Variants in TDRD12 observed in about 807,000 individuals in gnomAD.
The protein encoded by TDRD12 is putative ATP-dependent RNA helicase TDRD12.
In TDRD12, 158 loss-of-function variants were observed where a neutral mutation model predicts 133.5. The ratio of observed to expected loss-of-function variants is 1.18; its 90% CI spans 1.04 to 1.35. The LOEUF (loss-of-function observed/expected upper bound fraction) is 1.35. Ranked by LOEUF, TDRD12 falls within the 40% of genes most tolerant of loss-of-function variation. The probability of loss-of-function intolerance (pLI) is 0.00; values close to 1 mark genes in which losing one functional copy is unlikely to be tolerated. For missense variants in TDRD12, 1,443 were observed against 1,321.3 expected, an observed-to-expected ratio of 1.09 and a Z score of -1.43; for synonymous variants, 460 against 477.9, an observed-to-expected ratio of 0.96 and a Z score of 0.49.
rs1160563436 is a variant in TDRD12 at position 32,794,579 on chromosome 19, G to A, written c.1288-49G>A. On this transcript the variant is annotated intron_variant, in intron 13 of 27. Transcript: ENST00000444215. ...AAATGAGCCATGCAATGGAGTTTTTGTTAGTTTTCTCTACCTTATTTTGGT... is the reference window on the plus strand; with the variant it reads ...AAATGAGCCATGCAATGGAGTTTTTATTAGTTTTCTCTACCTTATTTTGGT... 3 of 685,676 alleles carry A rather than the reference G, an allele frequency of 4.4e-6. No homozygotes were observed. In the Admixed American group the frequency reaches 6.4e-5, roughly 15 times the overall value. 42.5% of individuals were successfully genotyped at this position (685,676 alleles called of 1,614,324 possible).
intron 8 of TDRD12, among the ~76,000 whole-genome samples, chr19:32,758,561 G>T (rs56977773): frequency 6.6e-6 from 1 of 151,982 alleles, no homozygotes; most frequent in African/African-American, 2.4e-5. Flanking sequence ...ACCCCATCTC[G>T]CTAGGCATTT....
At chr19:32,818,556 G>A (rs1171069785) in intron 27 of TDRD12, among the ~76,000 whole-genome samples, 5 of 152,242 alleles carry the variant, frequency 3.3e-5, no homozygotes, top group Non-Finnish European at 5.9e-5. Flanking sequence ...AGGTGGCTTT[G>A]TGGAGGTTGA....
intron 8 of TDRD12, among the ~76,000 whole-genome samples, chr19:32,766,637 CAG>C (rs1358670962): frequency 6.6e-6 from 1 of 150,602 alleles, no homozygotes; most frequent in Non-Finnish European, 1.5e-5. Flanking sequence ...TTTTTTGAGA[CAG>C]AGTCTCGCTC....
chr19:32,790,916 T>C, intron 12 of TDRD12, 48 bp from the exon 13 acceptor site: 2 of 1,518,818 alleles, frequency 1.3e-6, no homozygotes, highest in Non-Finnish European at 1.8e-6. Context: ...TCTCCTGTGC[T>C]GACGCCTCAG....
chr19:32,782,358 G>A (rs1311669601), intron 11 of TDRD12, among the ~76,000 whole-genome samples: 2 of 152,126 alleles, frequency 1.3e-5, no homozygotes, highest in African/African-American at 2.4e-5. Flanking sequence ...TCTTAATCCA[G>A]TCTATCATTG....
intron 16 of TDRD12, 118 bp downstream of exon 16, chr19:32,798,553 T>G (rs1971296449): frequency 2.8e-6 from 2 of 711,670 alleles, no homozygotes; most frequent in African/African-American, 3.5e-5. Context: ...CTAAAAAAAT[T>G]TTATGCTTTA....
chr19:32,818,105 A>G (rs1229650424), exon 27 of TDRD12: 1 of 702,778 alleles, frequency 1.4e-6, no homozygotes, highest in East Asian at 2.7e-5. Flanking sequence ...GGTGACAGGG[A>G]CCAGTCCTGC....
At chr19:32,817,298 G>A (rs1017792770) in intron 26 of TDRD12, among the ~76,000 whole-genome samples, 3 of 150,808 alleles carry the variant, frequency 2.0e-5, no homozygotes, top group Non-Finnish European at 3.0e-5. Context: ...TCCACCCCCC[G>A]CCCAGCCCCC....
downstream of TDRD12, among the ~76,000 whole-genome samples, chr19:32,825,220 CTGTT>C (rs746224766): frequency 1.4e-4 from 22 of 152,354 alleles, no homozygotes; most frequent in African/African-American, 5.0e-4. The surrounding 1 kb of genome is among the most constrained non-coding windows in gnomAD (Gnocchi z 4.1). Context: ...CAGCAGGAGT[CTGTT>C]TGTTTCTTTG....
At chr19:32,779,798 A>G (rs1430262825) in intron 11 of TDRD12, among the ~76,000 whole-genome samples, 2 of 152,180 alleles carry the variant, frequency 1.3e-5, no homozygotes, top group Admixed American at 6.5e-5. Flanking sequence ...CAATGCAGCC[A>G]TATGTGCTGC....
At chr19:32,760,851 A>G (rs1276203066) in intron 8 of TDRD12, among the ~76,000 whole-genome samples, 1 of 152,216 alleles carries the variant, frequency 6.6e-6, no homozygotes. Context: ...ATAATCACAA[A>G]CTTACAGAAA....
intron 8 of TDRD12, among the ~76,000 whole-genome samples, chr19:32,771,030 C>T (rs1452785335): frequency 5.9e-5 from 9 of 152,112 alleles, no homozygotes; most frequent in African/African-American, 2.2e-4. Context: ...CACAGTTGTG[C>T]AAGCTGTATA....
chr19:32,798,526 G>T, intron 16 of TDRD12, 91 bp downstream of exon 16: 3 of 1,068,976 alleles, frequency 2.8e-6, no homozygotes, highest in South Asian at 2.3e-5. Flanking sequence ...GTCTGGTTGG[G>T]GAATACATTG....
At chr19:32,750,530 T>C (rs1437950648) in intron 6 of TDRD12, among the ~76,000 whole-genome samples, 2 of 152,214 alleles carry the variant, frequency 1.3e-5, no homozygotes, top group Non-Finnish European at 2.9e-5. Flanking sequence ...GATGTTAACA[T>C]AGCACAAAAC....
chr19:32,772,941 A>G, intron 9 of TDRD12, 91 bp downstream of exon 9: 5 of 637,868 alleles, frequency 7.8e-6, no homozygotes, highest in Non-Finnish European at 9.6e-6. Flanking sequence ...AACCAAAAAT[A>G]TGTTTTCTAT....
chr19:32,800,270 T>C (rs889050617), exon 17 of TDRD12: 9 of 1,535,110 alleles, frequency 5.9e-6, no homozygotes, highest in South Asian at 4.8e-5. Context: ...AACAAACATA[T>C]AGAACATCTC....
intron 11 of TDRD12, among the ~76,000 whole-genome samples, 190 bp from the exon 12 acceptor site, chr19:32,790,341 A>G (rs1971032319): frequency 6.6e-6 from 1 of 152,212 alleles, no homozygotes; most frequent in Non-Finnish European, 1.5e-5. Context: ...CCTGGGTGGC[A>G]GGGTTGTGGC....
chr19:32,821,369 AGTGTGTGTGTGTGTGTGTGT>A (rs59054756), downstream of TDRD12: 14 of 351,582 alleles, frequency 4.0e-5, no homozygotes, highest in Admixed American at 3.2e-4. Flanking sequence ...AGCTCAGCAG[AGTGTGTGTGTGTGTGTGTGT>A]GTGTGTGTGT....
At chr19:32,802,633 A>C in intron 19 of TDRD12, 23 bp from the exon 20 acceptor site, 1 of 1,534,200 alleles carries the variant, frequency 6.5e-7, no homozygotes, top group Non-Finnish European at 8.7e-7. Context: ...CGCGTGTGAC[A>C]TTGTCGGACT....
Sources: allele counts gnomAD v4.1 joint callset (sites outside exome capture counted in the v4.1 genomes callset), GRCh38; gene constraint gnomAD v4.1.1; non-coding constraint Gnocchi (gnomAD v3.1); transcripts MANE v1.5; gene names NCBI Gene and HGNC (gene_info 2026-07-23, HGNC 2026-07-21).